The following GRM8 variants were observed in gnomAD, a reference collection of about 807,000 sequenced individuals.
GRM8 encodes metabotropic glutamate receptor 8.
GRM8 carries 47 observed loss-of-function variants against 87.2 expected under a neutral mutation model. That is an observed-to-expected ratio of 0.54 (90% CI 0.43 to 0.69). GRM8 has a LOEUF of 0.69. Ranked by LOEUF, GRM8 falls within the 30% of genes least tolerant of loss-of-function variation. GRM8 has a pLI of 0.00. For synonymous variants in GRM8, 396 were observed against 404.5 expected, an observed-to-expected ratio of 0.98 and a Z score of 0.25; for missense variants, 1,019 against 1,139.2, an observed-to-expected ratio of 0.89 and a Z score of 1.52.
chr7:126,477,554 GAAGT>G (rs764884472), intron 9 of GRM8, among the ~76,000 whole-genome samples: 98 of 128,830 alleles, frequency 7.6e-4, no homozygotes, highest in South Asian at 9.9e-4. Context: ...GAGAAAAGGA[GAAGT>G]AAGAGAAAGA....
intron 6 of GRM8, among the ~76,000 whole-genome samples, chr7:126,837,594 G>A (rs185418517): frequency 6.6e-5 from 10 of 152,326 alleles, no homozygotes; most frequent in African/African-American, 1.2e-4. Flanking sequence ...CAATGACAAG[G>A]TGAGGAGATC....
At chr7:126,673,513 T>G (rs1380906721) in intron 7 of GRM8, among the ~76,000 whole-genome samples, 1 of 152,164 alleles carries the variant, frequency 6.6e-6, no homozygotes, top group African/African-American at 2.4e-5. Context: ...AGAGGAAACA[T>G]GCAAAGACAG....
chr7:126,829,139 G>T (rs1462550985), intron 6 of GRM8, among the ~76,000 whole-genome samples: 1 of 150,644 alleles, frequency 6.6e-6, no homozygotes, highest in Non-Finnish European at 1.5e-5. Flanking sequence ...GTCAATTTTG[G>T]AATAGGTGTG....
chr7:126,745,661 A>G (rs1815574424), intron 7 of GRM8, among the ~76,000 whole-genome samples: 1 of 151,700 alleles, frequency 6.6e-6, no homozygotes, highest in South Asian at 2.1e-4. Context: ...TTCTTTTGTG[A>G]TGATAAATCA....
At chr7:126,793,954 G>A (rs773368449) in intron 6 of GRM8, among the ~76,000 whole-genome samples, 2 of 152,060 alleles carry the variant, frequency 1.3e-5, no homozygotes, top group Non-Finnish European at 2.9e-5. Context: ...TAGATTATGG[G>A]AAATAATCAC....
chr7:126,665,207 A>T (rs1805628321), intron 7 of GRM8, among the ~76,000 whole-genome samples: 1 of 152,168 alleles, frequency 6.6e-6, no homozygotes, highest in Non-Finnish European at 1.5e-5. Context: ...TTCTCAAAGA[A>T]GTTACAACAG....
At chr7:126,783,438 G>A (rs1229761184) in intron 6 of GRM8, among the ~76,000 whole-genome samples, 1 of 152,158 alleles carries the variant, frequency 6.6e-6, no homozygotes, top group East Asian at 1.9e-4. Flanking sequence ...GTACAGTAAG[G>A]AAAACATTGT....
chr7:127,133,560 G>C (rs1212435676), intron 2 of GRM8, among the ~76,000 whole-genome samples: 1 of 151,592 alleles, frequency 6.6e-6, no homozygotes, highest in Non-Finnish European at 1.5e-5. Flanking sequence ...CAAAAAATTA[G>C]TCAGGCATGG....
intron 3 of GRM8, among the ~76,000 whole-genome samples, chr7:127,007,246 C>T (rs536105589): frequency 3.4e-4 from 51 of 151,930 alleles, no homozygotes; most frequent in Non-Finnish European, 5.9e-4. Context: ...TTCATTTATG[C>T]TAATGAGTTG....
chr7:127,085,002 C>T (rs562697569), intron 3 of GRM8, among the ~76,000 whole-genome samples: 3 of 152,258 alleles, frequency 2.0e-5, no homozygotes, highest in African/African-American at 4.8e-5. Context: ...TGTGATGTTC[C>T]CTGCCCTGTG....
chr7:127,155,780 T>C (rs761239437), intron 2 of GRM8, among the ~76,000 whole-genome samples: 2 of 152,180 alleles, frequency 1.3e-5, no homozygotes, highest in Non-Finnish European at 2.9e-5. Context: ...GTTAGCATTA[T>C]ATAAGAAGTA....
intron 2 of GRM8, among the ~76,000 whole-genome samples, chr7:127,241,849 T>G (rs1465382348): frequency 2.0e-5 from 3 of 152,226 alleles, no homozygotes; most frequent in Non-Finnish European, 4.4e-5. Context: ...AAACAAATTA[T>G]GTCTATTACA....
intron 8 of GRM8, among the ~76,000 whole-genome samples, chr7:126,535,590 G>T (rs1241254560): frequency 6.6e-6 from 1 of 152,182 alleles, no homozygotes; most frequent in Non-Finnish European, 1.5e-5. Context: ...GTAAGGGGTG[G>T]ATTATGCAGA....
chr7:126,553,922 T>C (rs969552096), intron 8 of GRM8, among the ~76,000 whole-genome samples: 3 of 152,202 alleles, frequency 2.0e-5, no homozygotes, highest in African/African-American at 7.2e-5. Context: ...GTTTCATTAC[T>C]CACCAAATTG....
intron 3 of GRM8, among the ~76,000 whole-genome samples, chr7:127,062,021 G>A (rs1429380745): frequency 6.6e-6 from 1 of 151,988 alleles, no homozygotes; most frequent in Non-Finnish European, 1.5e-5. Context: ...ATGTGTGCCT[G>A]TAATCCCGGC....
chr7:127,094,328 T>G (rs1824439049), intron 3 of GRM8, among the ~76,000 whole-genome samples: 1 of 152,148 alleles, frequency 6.6e-6, no homozygotes, highest in African/African-American at 2.4e-5. Flanking sequence ...TTGGGAGGCA[T>G]GCAGAGACCA....
chr7:126,463,181 G>A (rs1299869786), intron 9 of GRM8, among the ~76,000 whole-genome samples: 1 of 151,622 alleles, frequency 6.6e-6, no homozygotes, highest in Admixed American at 6.6e-5. Flanking sequence ...ATCAGGGGAT[G>A]CAAAGCTATA....
intron 7 of GRM8, among the ~76,000 whole-genome samples, chr7:126,724,805 C>T (rs1035864758): frequency 6.6e-6 from 1 of 151,194 alleles, no homozygotes; most frequent in African/African-American, 2.4e-5. Context: ...TAATACATCT[C>T]CTGTTATCTT....
chr7:126,619,396 G>A (rs184368211), intron 7 of GRM8, among the ~76,000 whole-genome samples: 3 of 152,136 alleles, frequency 2.0e-5, no homozygotes, highest in Admixed American at 2.0e-4. Context: ...AGTGGGGAGG[G>A]AAAGCATTAA....
Sources: allele counts gnomAD v4.1 joint callset (sites outside exome capture counted in the v4.1 genomes callset), GRCh38; gene constraint gnomAD v4.1.1; transcripts MANE v1.5; gene names NCBI Gene and HGNC (gene_info 2026-07-23, HGNC 2026-07-21).